BID: variants seen among roughly 807,000 people sequenced by gnomAD.
BID encodes BH3-interacting domain death agonist.
A neutral mutation model predicts 17.4 loss-of-function variants in BID; 19 were observed. The observed-to-expected ratio is 1.09, with a 90% confidence interval of 0.76 to 1.60. BID has a LOEUF of 1.60. BID is among the 40% of genes most tolerant of loss of function. The probability of loss-of-function intolerance (pLI) is 0.00; values close to 1 mark genes in which losing one functional copy is unlikely to be tolerated. For synonymous variants in BID, 108 were observed against 102.8 expected (o/e 1.05, Z -0.31); for missense variants, 226 against 256.0 (o/e 0.88, Z 0.80).
In BID at chr22:17,734,967, A is replaced by G. The variant is rs1312251144; in HGVS notation, c.*613T>C. 2 of 152,306 alleles carry G rather than the reference A, an allele frequency of 1.3e-5. No individual in the cohort carries two copies. The highest frequency in any genetic ancestry group is 2.4e-5 in the African/African-American group (1 of 41,462). The allele number at this position is 152,306 out of a possible 1,614,324, so 9.4% of individuals were successfully genotyped here. A position where few individuals can be genotyped will look rare whatever the true frequency, so the allele number is the denominator to read the frequency against. On this transcript the variant is annotated 3_prime_UTR_variant, in exon 6 of 6. Transcript: ENST00000622694. ...AGTTGAAAAAGTCAAGCCCCTGTGT[A>G]CTGGGGCCGGACTTCCCATCATTTG... is the stretch of plus-strand genomic sequence containing the variant.
chr22:17,759,253 A>AC (rs2061618239), intron 1 of BID, among the ~76,000 whole-genome samples: 1 of 149,968 alleles, frequency 6.7e-6, no homozygotes, highest in Non-Finnish European at 1.5e-5. Flanking sequence ...AAACAAAAAA[A>AC]AAAAAACAAA....
intron 3 of BID, among the ~76,000 whole-genome samples, chr22:17,741,666 C>T (rs1221067551): frequency 6.6e-6 from 1 of 151,900 alleles, no homozygotes; most frequent in Non-Finnish European, 1.5e-5. Context: ...TTAGTAGAGA[C>T]GGGGTTTCAC....
intron 5 of BID, among the ~76,000 whole-genome samples, chr22:17,736,751 A>C (rs1177954419): frequency 6.6e-6 from 1 of 151,862 alleles, no homozygotes; most frequent in Non-Finnish European, 1.5e-5. Context: ...CCTCCTGAGG[A>C]GCTGCCTCAA....
intron 3 of BID, 146 bp downstream of exon 3, chr22:17,743,657 G>T: frequency 1.3e-6 from 1 of 799,744 alleles, no homozygotes; most frequent in Non-Finnish European, 1.9e-6. Context: ...GACCAGTCAA[G>T]TGATTAAGTG....
intron 1 of BID, among the ~76,000 whole-genome samples, chr22:17,750,616 C>G (rs1471479778): frequency 4.6e-5 from 7 of 152,158 alleles, no homozygotes; most frequent in East Asian, 1.9e-4. Context: ...ATCATGAGGT[C>G]AGGAGATCGA....
chr22:17,765,382 C>A (rs942926310), intron 1 of BID, among the ~76,000 whole-genome samples: 18 of 152,108 alleles, frequency 1.2e-4, no homozygotes, highest in Non-Finnish European at 2.4e-4. Flanking sequence ...GAAAAAAACC[C>A]AGGTATACCT....
chr22:17,737,877 C>A (rs2061430794), intron 5 of BID, 140 bp downstream of exon 5: 1 of 888,096 alleles, frequency 1.1e-6, no homozygotes, highest in South Asian at 1.6e-5. Context: ...TAGCTCACAA[C>A]AGCAAAACCA....
At chr22:17,768,599 C>CA (rs1250586281) in intron 1 of BID, among the ~76,000 whole-genome samples, 2 of 152,230 alleles carry the variant, frequency 1.3e-5, no homozygotes, top group East Asian at 3.8e-4. Context: ...GGCTGGGCCG[C>CA]AAGGTGGCTC....
chr22:17,748,709 T>A (rs1299684187), intron 2 of BID, among the ~76,000 whole-genome samples: 1 of 150,684 alleles, frequency 6.6e-6, no homozygotes, highest in Non-Finnish European at 1.5e-5. Flanking sequence ...ACGTCCACCC[T>A]CCCTCACTGA....
At chr22:17,757,663 A>T (rs887125339) in intron 1 of BID, among the ~76,000 whole-genome samples, 8 of 149,868 alleles carry the variant, frequency 5.3e-5, no homozygotes, top group South Asian at 4.2e-4. Flanking sequence ...GAGCCAAGAT[A>T]GCGCCACTGT....
intron 2 of BID, among the ~76,000 whole-genome samples, chr22:17,746,268 G>A (rs959688870): frequency 3.3e-5 from 5 of 152,234 alleles, no homozygotes; most frequent in African/African-American, 1.2e-4. Flanking sequence ...CTCTCCATGC[G>A]ATACCGGAAG....
intron 1 of BID, among the ~76,000 whole-genome samples, chr22:17,757,402 C>A (rs1262116323): frequency 2.3e-4 from 14 of 61,032 alleles, no homozygotes; most frequent in South Asian, 7.8e-4. Flanking sequence ...GACCCTGTCC[C>A]AAAAAAAAAA....
intron 1 of BID, among the ~76,000 whole-genome samples, chr22:17,767,487 G>C (rs1434823778): frequency 6.6e-6 from 1 of 152,102 alleles, no homozygotes; most frequent in African/African-American, 2.4e-5. Flanking sequence ...AAAGTCCCTG[G>C]ACCAGGTGTC....
At position 17,741,643 on chromosome 22, in the gene BID, T is replaced by A. The variant is rs899326153; in HGVS notation, c.224-2155A>T. 2.0e-5 allele frequency among the ~76,000 whole-genome samples: 3 copies of A among 152,022 alleles called. No homozygotes were observed. The East Asian group carries it at 5.8e-4, about 29-fold the overall frequency. ...ACCCGCCACCCCGCCTGGCTAATTT[T>A]TATATATTTTTTTTAGTAGAGACGG... On this transcript the variant is annotated intron_variant, in intron 3 of 5. Coordinates refer to ENST00000622694, the MANE Select transcript of BID (RefSeq NM_001196.4).
At chr22:17,748,740 C>A (rs2061514571) in intron 2 of BID, among the ~76,000 whole-genome samples, 1 of 145,766 alleles carries the variant, frequency 6.9e-6, no homozygotes, top group Admixed American at 6.8e-5. Flanking sequence ...GAGAGGCGGG[C>A]GGGAGGGCAG....
At chr22:17,764,673 G>A (rs1193771090) in intron 1 of BID, among the ~76,000 whole-genome samples, 2 of 152,192 alleles carry the variant, frequency 1.3e-5, no homozygotes, top group Non-Finnish European at 2.9e-5. Flanking sequence ...CTGTCCCTAT[G>A]AGGAAGGAGA....
chr22:17,770,730 C>A (rs961745825), intron 1 of BID, among the ~76,000 whole-genome samples: 1 of 152,252 alleles, frequency 6.6e-6, no homozygotes, highest in African/African-American at 2.4e-5. Context: ...CCTGTCCCAC[C>A]AGGCCACGGC....
At chr22:17,750,234 G>C (rs181405) in intron 1 of BID, 60 bp from the exon 2 acceptor site, 36 of 1,463,598 alleles carry the variant, frequency 2.5e-5, no homozygotes, top group African/African-American at 1.4e-5. Flanking sequence ...AGGACCCCTC[G>C]GGAGGACGAC....
intron 4 of BID, 84 bp downstream of exon 4, chr22:17,739,265 G>A: frequency 2.8e-6 from 4 of 1,449,720 alleles, no homozygotes; most frequent in South Asian, 2.7e-5. Flanking sequence ...GGCCTCACGG[G>A]ACAGTGGGCT....
Sources: allele counts gnomAD v4.1 joint callset (sites outside exome capture counted in the v4.1 genomes callset), GRCh38; gene constraint gnomAD v4.1.1; transcripts MANE v1.5; gene names NCBI Gene and HGNC (gene_info 2026-07-23, HGNC 2026-07-21).